The following CWC22 variants were observed in gnomAD, a reference collection of about 807,000 sequenced individuals.
CWC22 encodes the protein CWC22 spliceosome associated protein, also known as pre-mRNA-splicing factor CWC22 homolog.
In CWC22, 53 loss-of-function variants were observed where a neutral mutation model predicts 117.2. The observed-to-expected ratio is 0.45, with a 90% CI of 0.36 to 0.57. The LOEUF (loss-of-function observed/expected upper bound fraction) is 0.57. Among genes scored for constraint, CWC22 ranks in the 20% least tolerant of loss-of-function variants. CWC22 has a pLI of 0.00. For synonymous variants in CWC22, 360 were observed against 355.6 expected (o/e 1.01, Z -0.14); for missense variants, 980 against 1,068.8 (o/e 0.92, Z 1.16).
chr2:180,004,312 G>A (rs1386430384), intron 1 of CWC22, among the ~76,000 whole-genome samples: 1 of 152,196 alleles, frequency 6.6e-6, no homozygotes, highest in Non-Finnish European at 1.5e-5. Flanking sequence ...TGTCTTTTGG[G>A]TGGTCTCAGG....
At chr2:179,953,620 T>C (rs1686510491) in intron 16 of CWC22, among the ~76,000 whole-genome samples, 1 of 152,084 alleles carries the variant, frequency 6.6e-6, no homozygotes, top group Non-Finnish European at 1.5e-5. Flanking sequence ...AAAACAGCTG[T>C]AAAATCAATG....
At chr2:179,982,089 G>T (rs1157211825) in intron 4 of CWC22, 92 bp from the exon 5 acceptor site, 3 of 693,302 alleles carry the variant, frequency 4.3e-6, no homozygotes, top group Non-Finnish European at 7.3e-6. Flanking sequence ...CCATAAGTGG[G>T]TCCCACAAAT....
chr2:180,007,124 A>G lies in CWC22; in HGVS notation c.-371T>C, dbSNP rs1471032681. The G allele has an allele frequency of 6.6e-6, 1 of 152,210 alleles. No homozygotes were observed. The highest frequency in any genetic ancestry group is 1.5e-5 in the Non-Finnish European group (1 of 68,042). 9.4% of individuals were successfully genotyped at this position (152,210 alleles called of 1,614,324 possible). A position where few individuals can be genotyped will look rare whatever the true frequency, so the allele number is the denominator to read the frequency against. ...GGACGTACGTCACTTCCTCTTCCCG[A>G]GCACCGACGGTAGGAAGAAGGCGAA... On this transcript the variant is annotated 5_prime_UTR_variant, in exon 1 of 20. Transcript: ENST00000410053.
At chr2:179,959,912 C>T (rs985891465) in intron 13 of CWC22, among the ~76,000 whole-genome samples, 5 of 151,762 alleles carry the variant, frequency 3.3e-5, no homozygotes, top group African/African-American at 1.2e-4. Context: ...CTTAAAAAGG[C>T]AAAAATAAAA....
rs991533705 is a variant in CWC22 at position 179,986,375 on chromosome 2, C to T, written c.206+320G>A. Among the ~76,000 whole-genome samples, 6 of 152,098 alleles carry T rather than the reference C, an allele frequency of 3.9e-5. No individual in the cohort carries two copies. The East Asian group carries it at 7.7e-4, about 20-fold the overall frequency. On this transcript the variant is annotated intron_variant, in intron 4 of 19. Transcript: ENST00000410053. ...AAATCACATAAACCAACCCCTCTTG[C>T]GGTACAATACAATGAATGAGCTTGG...
rs369426402 is a variant in CWC22 at position 179,958,987 on chromosome 2, A to G, written c.1458+35T>C. 6 of 1,336,250 alleles carry G rather than the reference A, an allele frequency of 4.5e-6. No homozygotes were observed. The African/African-American group carries it at 7.3e-5, about 16-fold the overall frequency. The allele number at this position is 1,336,250 out of a possible 1,614,324, so 82.8% of individuals were successfully genotyped here. A position where few individuals can be genotyped will look rare whatever the true frequency, so the allele number is the denominator to read the frequency against. On this transcript the variant is annotated intron_variant, in intron 14 of 19. Transcript: ENST00000410053. ...AGCCTTAAACATTTTTAAAACCAAT[A>G]TATACATTTCCTAATAGAAAAAGTA... is the stretch of plus-strand genomic sequence containing the variant.
At chr2:179,966,392 T>C (rs1686891164) in intron 11 of CWC22, among the ~76,000 whole-genome samples, 1 of 152,196 alleles carries the variant, frequency 6.6e-6, no homozygotes, top group Non-Finnish European at 1.5e-5. Context: ...AACAAGAATT[T>C]AGGCTAAGAA....
At chr2:179,959,704 G>A (rs1342927648) in intron 13 of CWC22, among the ~76,000 whole-genome samples, 1 of 152,058 alleles carries the variant, frequency 6.6e-6, no homozygotes, top group Non-Finnish European at 1.5e-5. Flanking sequence ...GTAGGCAACT[G>A]TTAACACAAT....
At chr2:179,978,375 T>C in intron 5 of CWC22, 57 bp from the exon 6 acceptor site, 1 of 1,375,560 alleles carries the variant, frequency 7.3e-7, no homozygotes, top group Non-Finnish European at 9.4e-7. Flanking sequence ...TAAGAAGCTA[T>C]AAGAACATAA....
At chr2:179,964,025 A>G (rs1045849513) in intron 13 of CWC22, among the ~76,000 whole-genome samples, 4 of 152,168 alleles carry the variant, frequency 2.6e-5, no homozygotes, top group Non-Finnish European at 4.4e-5. Flanking sequence ...TCATGACATC[A>G]CATCACACTA....
At chr2:179,978,773 G>C (rs992139630) in intron 5 of CWC22, among the ~76,000 whole-genome samples, 1 of 151,918 alleles carries the variant, frequency 6.6e-6, no homozygotes, top group African/African-American at 2.4e-5. Context: ...CTCATAAAAA[G>C]ATGACAGAGA....
In CWC22 at chr2:179,993,420, C is replaced by A; in HGVS notation, c.-79G>T. On this transcript the variant is annotated 5_prime_UTR_variant, in exon 2 of 20. The change creates a new upstream start codon in the 5' untranslated region. Transcript: ENST00000410053. ...AACAAGTACCCAATGCTCTGAATTC[C>A]TTGACAGTTTACTTTTTCTGTCTGC... 1 of 1,007,388 alleles carries A rather than the reference C, an allele frequency of 9.9e-7. No individual in the cohort carries two copies. The highest frequency in any genetic ancestry group is 1.5e-6 in the Non-Finnish European group (1 of 655,672). The allele number at this position is 1,007,388 out of a possible 1,614,324, so 62.4% of individuals were successfully genotyped here.
At chr2:179,980,906 G>GT (rs1329747805) in intron 5 of CWC22, among the ~76,000 whole-genome samples, 1 of 152,088 alleles carries the variant, frequency 6.6e-6, no homozygotes. Flanking sequence ...ACATTCCCTA[G>GT]TTATCAACTC....
Position 179,988,184 on chromosome 2 carries a change from G to T in CWC22, c.95+393C>A, listed in dbSNP as rs575523496. Among the ~76,000 whole-genome samples, 10 of 152,180 alleles carry T rather than the reference G, an allele frequency of 6.6e-5. 1 individual carries two copies. Among genetic ancestry groups the T allele is most frequent in the African/African-American group, 1.9e-4 (8 of 41,510 alleles). ...CCTGGTCCATGGCTCTGGGGGTTGG[G>T]GACCCCTGTTATAATCTATATAAAA... On this transcript the variant is annotated intron_variant, in intron 3 of 19. Transcript: ENST00000410053.
rs527614712 is a variant in CWC22 at position 179,997,657 on chromosome 2, C to T, written c.-113-4203G>A. Among the ~76,000 whole-genome samples, 17 of 152,288 alleles carry T rather than the reference C, an allele frequency of 1.1e-4. No individual in the cohort carries two copies. The South Asian group carries it at 3.5e-3, about 32-fold the overall frequency. On this transcript the variant is annotated intron_variant, in intron 1 of 19. Coordinates refer to ENST00000410053, the MANE Select transcript of CWC22 (RefSeq NM_020943.3). ...CAACCATTTAACATTTCTAACATAT[C>T]CTTTATTACCTTTAAACCCAGTGTT...
chr2:179,952,182 A>G (rs1170088499), intron 17 of CWC22, among the ~76,000 whole-genome samples: 1 of 152,126 alleles, frequency 6.6e-6, no homozygotes, highest in Non-Finnish European at 1.5e-5. Context: ...AAAAGAAAAT[A>G]AAATTATAAA....
Position 179,958,330 on chromosome 2 carries a change from C to CAA in CWC22, c.1458+690_1458+691dup, listed in dbSNP as rs11453659. 5.5e-3 allele frequency among the ~76,000 whole-genome samples: 509 copies of CAA among 92,270 alleles called. 7 individuals are homozygous for CAA. Among genetic ancestry groups the CAA allele is most frequent in the African/African-American group, 0.011 (230 of 21,818 alleles). The allele number at this position is 92,270 out of a possible 152,430, so 60.5% of individuals were successfully genotyped here. On this transcript the variant is annotated intron_variant, in intron 14 of 19. Transcript: ENST00000410053. ...TGGGCGACATAGTGAGACTCTGGCTCAAAAAAAAAAAAAAAAAAAAGAATG... is the reference window on the plus strand; with the variant it reads ...TGGGCGACATAGTGAGACTCTGGCTCAAAAAAAAAAAAAAAAAAAAAAGAATG...
At chr2:180,002,957 A>G (rs1687880581) in intron 1 of CWC22, among the ~76,000 whole-genome samples, 1 of 152,224 alleles carries the variant, frequency 6.6e-6, no homozygotes, top group Admixed American at 6.5e-5. Flanking sequence ...ACTGCTACAT[A>G]TCCAGAACCT....
intron 12 of CWC22, among the ~76,000 whole-genome samples, 183 bp from the exon 13 acceptor site, chr2:179,964,811 A>T (rs1423789131): frequency 2.6e-5 from 4 of 152,322 alleles, no homozygotes; most frequent in Admixed American, 1.3e-4. Context: ...GTCTTTTGCT[A>T]TATGACAATG....
Sources: allele counts gnomAD v4.1 joint callset (sites outside exome capture counted in the v4.1 genomes callset), GRCh38; gene constraint gnomAD v4.1.1; transcripts MANE v1.5; gene names NCBI Gene and HGNC (gene_info 2026-07-23, HGNC 2026-07-21).